BMS1: variants seen among roughly 807,000 people sequenced by gnomAD.
The protein encoded by BMS1 is BMS1 ribosome biogenesis factor, also known as ribosome biogenesis protein BMS1 homolog.
BMS1 carries 53 observed loss-of-function variants against 138.7 expected under a neutral mutation model. The ratio of observed to expected loss-of-function variants is 0.38; its 90% confidence interval spans 0.31 to 0.48. The LOEUF (loss-of-function observed/expected upper bound fraction) is 0.48. Ranked by LOEUF, BMS1 falls within the 20% of genes least tolerant of loss-of-function variation. The pLI, the probability that BMS1 is intolerant of heterozygous loss-of-function variation, is 0.97. For missense variants in BMS1, 1,360 were observed against 1,565.5 expected, an observed-to-expected ratio of 0.87 and a Z score of 2.22; for synonymous variants, 504 against 539.9, an observed-to-expected ratio of 0.93 and a Z score of 0.92.
At chr10:42,800,226 C>T (rs965026182) in intron 12 of BMS1, among the ~76,000 whole-genome samples, 3 of 152,126 alleles carry the variant, frequency 2.0e-5, no homozygotes, top group Non-Finnish European at 2.9e-5. Context: ...GTAGACAAAA[C>T]ATCTAGCAGT....
chr10:42,813,059 A>G (rs562005850), intron 13 of BMS1, among the ~76,000 whole-genome samples: 1 of 152,256 alleles, frequency 6.6e-6, no homozygotes, highest in Admixed American at 6.5e-5. Context: ...AGCTCTGGTA[A>G]ATTATTTTGC....
At chr10:42,815,477 A>AC (rs1363173697) in intron 13 of BMS1, among the ~76,000 whole-genome samples, 1 of 152,104 alleles carries the variant, frequency 6.6e-6, no homozygotes, top group Non-Finnish European at 1.5e-5. Context: ...TATAACTTCT[A>AC]CCTGGTTCTT....
chr10:42,788,451 G>C (rs976985958), intron 4 of BMS1, among the ~76,000 whole-genome samples: 1 of 152,084 alleles, frequency 6.6e-6, no homozygotes, highest in Non-Finnish European at 1.5e-5. Context: ...TCAAATCAGG[G>C]TAATTAGGAT....
At position 42,834,918 on chromosome 10, in the gene BMS1, CTTATT is replaced by C. The variant is rs1270651392; in HGVS notation, c.*3827_*3831del. On this transcript the variant is annotated 3_prime_UTR_variant, in exon 23 of 23. Transcript: ENST00000374518. ...TTGTGATAAAATATGCATAATAAAA[CTTATT>C]TTATCAATTTTTAATTGTATGAGTC... 2 of 152,048 alleles carry C rather than the reference CTTATT, an allele frequency of 1.3e-5. No homozygotes were observed. Among genetic ancestry groups the C allele is most frequent in the Admixed American group, 1.3e-4 (2 of 15,266 alleles). 9.4% of individuals were successfully genotyped at this position (152,048 alleles called of 1,614,324 possible).
At chr10:42,820,072 G>A (rs1232337152) in intron 15 of BMS1, 164 bp from the exon 16 acceptor site, 34 of 423,364 alleles carry the variant, frequency 8.0e-5, no homozygotes, top group Non-Finnish European at 9.8e-5. Flanking sequence ...GATTACAGGC[G>A]TGAGCCACTG....
intron 11 of BMS1, among the ~76,000 whole-genome samples, chr10:42,797,973 T>C (rs1841741749): frequency 6.6e-6 from 1 of 152,210 alleles, no homozygotes; most frequent in Admixed American, 6.5e-5. Context: ...AAAATAAATA[T>C]ATAGTGGTGA....
At chr10:42,815,638 T>C (rs751808320) in intron 13 of BMS1, among the ~76,000 whole-genome samples, 6 of 152,186 alleles carry the variant, frequency 3.9e-5, no homozygotes, top group Non-Finnish European at 7.3e-5. Context: ...TATGGCTCAC[T>C]GCAACGTCTG....
At chr10:42,812,778 A>G (rs1167168549) in intron 13 of BMS1, among the ~76,000 whole-genome samples, 4 of 152,338 alleles carry the variant, frequency 2.6e-5, no homozygotes, top group South Asian at 2.1e-4. Flanking sequence ...ACAATGACCA[A>G]TGGTTCCTGA....
In BMS1 at chr10:42,820,952, G is replaced by A. The variant is rs760402785; in HGVS notation, c.2969G>A (p.Gly990Glu). The change falls in exon 18 of 23, where the codon GGA becomes GAA. Residue 990 changes from glycine to glutamate, a missense_variant. Transcript: ENST00000374518. ...CTTTAAGGCCCTATCACTCCACAGG[G>A]AACTGGTTTCTTGGCAATACAGTCT... Reference protein sequence around the residue: ...AAFWGPITPQGTGFLAIQSVS... With the variant: ...AAFWGPITPQETGFLAIQSVS... The A allele has an allele frequency of 3.7e-6, 6 of 1,602,366 alleles. No homozygotes were observed. The highest frequency in any genetic ancestry group is 4.2e-6 in the Non-Finnish European group (5 of 1,178,000).
rs768174977 is a variant in BMS1 at position 42,796,629 on chromosome 10, A to G, written c.1385A>G (p.Asp462Gly). 3.9e-5 allele frequency: 63 copies of G among 1,614,104 alleles called. No individual in the cohort carries two copies. The highest frequency in any genetic ancestry group is 4.7e-5 in the Non-Finnish European group (56 of 1,180,054). ...GACGGGTTGGAAAACGGCTCTAGTGATGAGGAAGCAGAAGAGGAGGAAAAT... is the reference window on the plus strand; with the variant it reads ...GACGGGTTGGAAAACGGCTCTAGTGGTGAGGAAGCAGAAGAGGAGGAAAAT... Reference protein sequence around the residue: ...EDDGLENGSSDEEAEEEENAE... With the variant: ...EDDGLENGSSGEEAEEEENAE... Residue 462 changes from aspartate to glycine, a missense_variant, in exon 10 of 23, where the codon GAT (aspartate) becomes GGT (glycine). This residue lies in a region of BMS1 where 697 missense variants were observed against 686.2 expected (regional missense o/e 1.02). Coordinates refer to ENST00000374518, the MANE Select transcript of BMS1 (RefSeq NM_014753.4).
intron 15 of BMS1, among the ~76,000 whole-genome samples, chr10:42,819,677 G>T (rs1265872651): frequency 1.3e-5 from 2 of 152,192 alleles, no homozygotes; most frequent in Non-Finnish European, 2.9e-5. Context: ...TCCAGTGTTC[G>T]GGCATGCAGG....
intron 3 of BMS1, among the ~76,000 whole-genome samples, chr10:42,786,108 G>C (rs1841319975): frequency 6.6e-6 from 1 of 152,152 alleles, no homozygotes; most frequent in Admixed American, 6.5e-5. Context: ...ACTGCTCTTT[G>C]GCTTTGCCAA....
At chr10:42,822,836 G>A (rs1842539224) in intron 19 of BMS1, among the ~76,000 whole-genome samples, 1 of 152,198 alleles carries the variant, frequency 6.6e-6, no homozygotes, top group Non-Finnish European at 1.5e-5. Context: ...AGGCTGCCTA[G>A]GCCAGTTCAG....
At chr10:42,785,899 AG>A (rs1841312758) in intron 3 of BMS1, among the ~76,000 whole-genome samples, 1 of 152,152 alleles carries the variant, frequency 6.6e-6, no homozygotes. Context: ...GGAGGTTCCA[AG>A]GCAGGAAGAT....
rs374745843 is a variant in BMS1 at position 42,790,173 on chromosome 10, T to C, written c.448-150T>C. ...AGTGCACAGGCAGCCATAGACAATA[T>C]GTAAATGAATTAATGTGGCTATGTT... is the stretch of plus-strand genomic sequence containing the variant. On this transcript the variant is annotated intron_variant, in intron 4 of 22. Transcript: ENST00000374518. 2.2e-4 allele frequency: 160 copies of C among 731,482 alleles called. No individual in the cohort carries two copies. The East Asian group carries it at 2.9e-3, about 13-fold the overall frequency. The allele number at this position is 731,482 out of a possible 1,614,324, so 45.3% of individuals were successfully genotyped here.
At chr10:42,803,047 G>A (rs572835405) in intron 13 of BMS1, among the ~76,000 whole-genome samples, 2 of 152,246 alleles carry the variant, frequency 1.3e-5, no homozygotes, top group South Asian at 4.1e-4. Context: ...CTTGAGACAG[G>A]ATGTCGCTCT....
At chr10:42,788,596 A>G (rs1223408146) in intron 4 of BMS1, among the ~76,000 whole-genome samples, 1 of 152,094 alleles carries the variant, frequency 6.6e-6, no homozygotes, top group African/African-American at 2.4e-5. Context: ...TTCTAACTGT[A>G]TTTTTGTACC....
rs564782824 is a variant in BMS1 at position 42,796,521 on chromosome 10, G to T, written c.1277G>T (p.Arg426Leu). Reference protein sequence around the residue: ...EEKQMDLNTGRMRRKAIFGDE... With the variant: ...EEKQMDLNTGLMRRKAIFGDE... Reference sequence around the variant, plus strand: ...AAACAAATGGACTTGAACACTGGTCGAATGCGTCGGAAAGCCATTTTCGGA... The same window carrying T: ...AAACAAATGGACTTGAACACTGGTCTAATGCGTCGGAAAGCCATTTTCGGA... The change falls in exon 10 of 23, where the codon CGA becomes CTA. Residue 426 changes from arginine (R) to leucine (L), a missense_variant. By Grantham distance (102) the Arg-to-Leu change is moderately radical. Around this residue, in one of 3 missense-constraint regions of BMS1, gnomAD observed 697 missense variants for 686.2 expected, o/e 1.02. Transcript: ENST00000374518. 2 of 1,614,142 alleles carry T rather than the reference G, an allele frequency of 1.2e-6. No individual in the cohort carries two copies. The highest frequency in any genetic ancestry group is 2.2e-5 in the South Asian group (2 of 91,072).
rs1062825 is a variant in BMS1, at chr10:42,820,606, G to A, written c.2868G>A (p.Leu956=). 9 of 1,611,866 alleles carry A rather than the reference G, an allele frequency of 5.6e-6. No individual in the cohort carries two copies. The East Asian group carries it at 1.8e-4, about 32-fold the overall frequency. Residue 956 remains leucine, a synonymous_variant, in exon 17 of 23, where the codon CTG becomes CTA. Transcript: ENST00000374518. ...GGAGGAGGTTTCAGACCATCCCACT[G>A]TATTATATCGAAGACCACAATGGAA... ...VGWRRFQTIP[L]YYIEDHNGRQ...
Sources: allele counts gnomAD v4.1 joint callset (sites outside exome capture counted in the v4.1 genomes callset), GRCh38; gene constraint gnomAD v4.1.1; regional missense constraint gnomAD v4.1.1; transcripts MANE v1.5; gene names NCBI Gene and HGNC (gene_info 2026-07-23, HGNC 2026-07-21).